Variants in SCRG1 observed in about 807,000 individuals in gnomAD.
The protein encoded by SCRG1 is stimulator of chondrogenesis 1.
A neutral mutation model predicts 7.7 loss-of-function variants in SCRG1; 3 were observed. That is an observed-to-expected ratio of 0.39 (90% CI 0.18 to 1.01). The LOEUF (loss-of-function observed/expected upper bound fraction) is 1.01. Among genes scored for constraint, SCRG1 ranks in the 50% least tolerant of loss-of-function variants. The probability of loss-of-function intolerance (pLI) is 0.36; values close to 1 mark genes in which losing one functional copy is unlikely to be tolerated. For synonymous variants in SCRG1, 46 were observed against 41.2 expected (o/e 1.12, Z -0.44); for missense variants, 110 against 117.2 (o/e 0.94, Z 0.28).
intron 2 of SCRG1, among the ~76,000 whole-genome samples, chr4:173,390,779 G>A (rs1020275219): frequency 3.3e-4 from 50 of 152,240 alleles, no homozygotes; most frequent in Non-Finnish European, 3.7e-4. Flanking sequence ...GTGAGCCACC[G>A]GGCCCAGCCT....
the SCRG1 span, among the ~76,000 whole-genome samples, chr4:173,413,096 A>G: frequency 6.6e-6 from 1 of 151,714 alleles, no homozygotes; most frequent in African/African-American, 2.4e-5. Context: ...CTTTGGGTTG[A>G]TCTCATAAGT....
the SCRG1 span, among the ~76,000 whole-genome samples, chr4:173,484,811 A>G: frequency 1.6e-5 from 1 of 62,790 alleles, no homozygotes; most frequent in East Asian, 4.8e-4. Flanking sequence ...ATTATATATT[A>G]TACATATAAT....
At chr4:173,472,383 CAG>C in the SCRG1 span, among the ~76,000 whole-genome samples, 1 of 152,136 alleles carries the variant, frequency 6.6e-6, no homozygotes, top group Non-Finnish European at 1.5e-5. Context: ...TAGGGTTCTC[CAG>C]AGAGACAGAA....
At chr4:173,405,759 G>T (rs1164101747) in intron 1 of SCRG1, among the ~76,000 whole-genome samples, 2 of 152,082 alleles carry the variant, frequency 1.3e-5, no homozygotes, top group Admixed American at 6.6e-5. Flanking sequence ...TCAAGGTCGT[G>T]GTTTTTGGTT....
At chr4:173,436,520 A>G in the SCRG1 span, among the ~76,000 whole-genome samples, 1 of 152,190 alleles carries the variant, frequency 6.6e-6, no homozygotes, top group Non-Finnish European at 1.5e-5. Flanking sequence ...GACTCCCCAG[A>G]GAGCCATTTC....
intron 1 of SCRG1, among the ~76,000 whole-genome samples, chr4:173,394,666 A>T (rs1739549546): frequency 6.6e-6 from 1 of 151,888 alleles, no homozygotes; most frequent in Non-Finnish European, 1.5e-5. Context: ...TATAATTATA[A>T]GTCTGTTTTG....
At chr4:173,498,178 T>C in the SCRG1 span, among the ~76,000 whole-genome samples, 2 of 152,254 alleles carry the variant, frequency 1.3e-5, no homozygotes, top group African/African-American at 4.8e-5. Flanking sequence ...TTCAAGACTC[T>C]TATAAACAAA....
At chr4:173,449,387 C>T in the SCRG1 span, among the ~76,000 whole-genome samples, 3 of 151,656 alleles carry the variant, frequency 2.0e-5, no homozygotes, top group East Asian at 1.9e-4. Context: ...TGAAAATACC[C>T]GAATGTGACA....
chr4:173,500,344 G>A, the SCRG1 span, among the ~76,000 whole-genome samples: 1 of 152,198 alleles, frequency 6.6e-6, no homozygotes, highest in Non-Finnish European at 1.5e-5. Flanking sequence ...GGCCTCCGGC[G>A]CTCCCCGGGT....
chr4:173,400,314 T>C (rs981742763), upstream of SCRG1, among the ~76,000 whole-genome samples: 1 of 152,218 alleles, frequency 6.6e-6, no homozygotes, highest in Non-Finnish European at 1.5e-5. Context: ...TGGACGATGA[T>C]ACTGTTAATC....
chr4:173,518,916 A>T, the SCRG1 span, among the ~76,000 whole-genome samples: 1 of 127,954 alleles, frequency 7.8e-6, no homozygotes, highest in Admixed American at 9.3e-5. Context: ...CCGGCGGTCC[A>T]CCCCGGCTTC....
At chr4:173,423,817 G>T in the SCRG1 span, among the ~76,000 whole-genome samples, 1 of 152,202 alleles carries the variant, frequency 6.6e-6, no homozygotes, top group South Asian at 2.1e-4. Flanking sequence ...TTATGGTTCT[G>T]GAGTCAGGGA....
chr4:173,516,427 C>T, the SCRG1 span, among the ~76,000 whole-genome samples: 2 of 152,174 alleles, frequency 1.3e-5, no homozygotes, highest in African/African-American at 2.4e-5. Context: ...TTATTTTCCT[C>T]CTTTTTTGAT....
At chr4:173,488,263 C>T in the SCRG1 span, among the ~76,000 whole-genome samples, 1 of 152,004 alleles carries the variant, frequency 6.6e-6, no homozygotes, top group Non-Finnish European at 1.5e-5. Flanking sequence ...TCACGTGACT[C>T]AAAATGAGCA....
chr4:173,447,297 C>G, the SCRG1 span, among the ~76,000 whole-genome samples: 2 of 152,264 alleles, frequency 1.3e-5, no homozygotes, highest in East Asian at 1.9e-4. Flanking sequence ...CATTTATGAG[C>G]GTTCCACCTC....
chr4:173,417,155 C>G, the SCRG1 span, among the ~76,000 whole-genome samples: 1 of 150,934 alleles, frequency 6.6e-6, no homozygotes. Flanking sequence ...CAGACAGACA[C>G]ACACACACAG....
intron 1 of SCRG1, among the ~76,000 whole-genome samples, chr4:173,391,698 T>A (rs1237630157): frequency 6.6e-6 from 1 of 152,230 alleles, no homozygotes; most frequent in Admixed American, 6.5e-5. Context: ...GAGGCCTATG[T>A]ACAAGGATTG....
the SCRG1 span, among the ~76,000 whole-genome samples, chr4:173,429,531 A>G: frequency 6.6e-6 from 1 of 152,152 alleles, no homozygotes; most frequent in Admixed American, 6.5e-5. Context: ...TCCTGGCATC[A>G]AGTGATCTTC....
At chr4:173,492,393 T>C in the SCRG1 span, among the ~76,000 whole-genome samples, 1 of 152,038 alleles carries the variant, frequency 6.6e-6, no homozygotes, top group African/African-American at 2.4e-5. Flanking sequence ...ATTGGACTCA[T>C]TCCCCCACCC....
Sources: gnomAD v4.1 joint callset for allele counts (sites outside exome capture counted in the v4.1 genomes callset) on GRCh38, gnomAD v4.1.1 for gene constraint, MANE v1.5 for transcripts, NCBI Gene and HGNC (gene_info 2026-07-23, HGNC 2026-07-21) for gene names.